RUFY3: variants seen among roughly 807,000 people sequenced by gnomAD.
RUFY3 encodes protein RUFY3.
RUFY3 carries 34 observed loss-of-function variants against 84.0 expected under a neutral mutation model. The ratio of observed to expected loss-of-function variants is 0.40; its 90% CI spans 0.31 to 0.54. The LOEUF (loss-of-function observed/expected upper bound fraction) is 0.54. RUFY3 is among the 20% of genes least tolerant of loss of function. The pLI is 0.39. For missense variants in RUFY3, 507 were observed against 736.8 expected (o/e 0.69, Z 3.61); for synonymous variants, 242 against 252.9 (o/e 0.96, Z 0.41).
In RUFY3 at chr4:70,778,454, G is replaced by C; in HGVS notation, c.894+16G>C. 1 of 1,466,332 alleles carries C rather than the reference G, an allele frequency of 6.8e-7. No homozygotes were observed. Among genetic ancestry groups the C allele is most frequent in the South Asian group, 1.2e-5 (1 of 86,802 alleles). The allele number at this position is 1,466,332 out of a possible 1,614,324, so 90.8% of individuals were successfully genotyped here. ...GACAGAGGAGGTAAGTTTTGGAAAT[G>C]CTTTGATTGACTTATAGAATTTAAT... On this transcript the variant is annotated intron_variant, in intron 8 of 17. Coordinates refer to ENST00000381006, the MANE Select transcript of RUFY3 (RefSeq NM_001037442.4).
chr4:70,804,551 C>A, intron 17 of RUFY3, 135 bp downstream of exon 17: 1 of 561,330 alleles, frequency 1.8e-6, no homozygotes. Flanking sequence ...GGGTGAAAAG[C>A]AAAAGGGGCA....
intron 1 of RUFY3, among the ~76,000 whole-genome samples, chr4:70,753,729 G>GGT (rs1723510964): frequency 1.3e-5 from 2 of 152,268 alleles, no homozygotes; most frequent in Admixed American, 1.3e-4. Flanking sequence ...AACAGAACAT[G>GGT]TCATTTCTCT....
intron 1 of RUFY3, among the ~76,000 whole-genome samples, chr4:70,757,004 C>T (rs1358190000): frequency 6.6e-6 from 1 of 152,088 alleles, no homozygotes; most frequent in Non-Finnish European, 1.5e-5. Context: ...GGCATGGCGA[C>T]CCATGCCTGT....
At chr4:70,735,677 CA>C (rs923502603) in intron 1 of RUFY3, among the ~76,000 whole-genome samples, 1 of 149,656 alleles carries the variant, frequency 6.7e-6, no homozygotes. Context: ...CCTATATCTA[CA>C]AAAAAAAATA....
At chr4:70,746,125 C>T (rs182888641) in intron 1 of RUFY3, among the ~76,000 whole-genome samples, 2 of 152,276 alleles carry the variant, frequency 1.3e-5, no homozygotes, top group East Asian at 3.9e-4. Context: ...GGGCGGATCA[C>T]TTGATGCCAG....
At chr4:70,704,920 CGAAG>C (rs1740080107) in exon 1 of RUFY3, 10 of 1,209,036 alleles carry the variant, frequency 8.3e-6, no homozygotes, top group Non-Finnish European at 1.0e-5. Flanking sequence ...GAGGCTGCGG[CGAAG>C]GAAGGAGTGA....
At chr4:70,732,287 G>A (rs1363929631) in intron 1 of RUFY3, among the ~76,000 whole-genome samples, 1 of 152,144 alleles carries the variant, frequency 6.6e-6, no homozygotes, top group Non-Finnish European at 1.5e-5. Context: ...TATATAGAAA[G>A]TTCTTCAGGG....
At chr4:70,791,111 AATGACTT>A in intron 12 of RUFY3, 2 of 830,684 alleles carry the variant, frequency 2.4e-6, no homozygotes, top group East Asian at 5.4e-5. Context: ...GAAAGAGAAT[AATGACTT>A]ATCTCTTTGA....
At position 70,736,723 on chromosome 4, in the gene RUFY3, G is replaced by T. The variant is rs376791430; in HGVS notation, c.178+13972G>T. On this transcript the variant is annotated intron_variant, in intron 1 of 17. Transcript: ENST00000381006. ...AGTAGCTGGGATTACAGGCGCTTTCGACCATGTCCGGCTAATTTTTGTATT... is the reference window on the plus strand; with the variant it reads ...AGTAGCTGGGATTACAGGCGCTTTCTACCATGTCCGGCTAATTTTTGTATT... Among the ~76,000 whole-genome samples, 6 of 151,974 alleles carry T rather than the reference G, an allele frequency of 3.9e-5. No individual in the cohort carries two copies. In the East Asian group the frequency reaches 1.2e-3, roughly 29 times the overall value.
At chr4:70,741,598 C>A in intron 1 of RUFY3, 1 of 1,510,464 alleles carries the variant, frequency 6.6e-7, no homozygotes, top group Admixed American at 2.2e-5. Flanking sequence ...TTTTATCTTT[C>A]TTTTCCTTTC....
In RUFY3 at chr4:70,763,453, T is replaced by C. The variant is rs201764348; in HGVS notation, c.353-99T>C. The C allele has an allele frequency of 6.8e-4, 540 of 796,372 alleles. 8 individuals are homozygous for C. In the East Asian group the frequency reaches 0.01, roughly 15 times the overall value. 49.3% of individuals were successfully genotyped at this position (796,372 alleles called of 1,614,324 possible). ...TCCAAAACCATCTTATAACCTAGGA[T>C]TGGTTTCCTGAAAAGTTGTGTGTGT... On this transcript the variant is annotated intron_variant, in intron 2 of 17. Transcript: ENST00000381006.
At chr4:70,722,781 C>T (rs28435678) in intron 1 of RUFY3, 30 bp downstream of exon 1, 72,467 of 1,595,456 alleles carry the variant, frequency 0.045, 3,996 homozygotes, top group African/African-American at 0.28. Context: ...GCTAGTATTT[C>T]ACCAGCATCC....
intron 10 of RUFY3, among the ~76,000 whole-genome samples, chr4:70,788,312 C>G (rs961402953): frequency 6.6e-6 from 1 of 151,560 alleles, no homozygotes; most frequent in African/African-American, 2.4e-5. Flanking sequence ...CTGTTCGCCT[C>G]GTAACCATAC....
chr4:70,789,433 A>T (rs779785187), intron 11 of RUFY3, 62 bp from the exon 12 acceptor site: 1 of 1,396,864 alleles, frequency 7.2e-7, no homozygotes, highest in Non-Finnish European at 9.9e-7. Context: ...TTCAAAAGGC[A>T]TGTGTGGTTG....
chr4:70,759,409 ATTTC>A (rs1724642152), intron 1 of RUFY3, among the ~76,000 whole-genome samples: 1 of 149,768 alleles, frequency 6.7e-6, no homozygotes, highest in East Asian at 2.0e-4. Context: ...TGTATACCAC[ATTTC>A]TTTATTCATG....
chr4:70,721,143 C>G (rs1742233638), upstream of RUFY3, among the ~76,000 whole-genome samples: 1 of 151,834 alleles, frequency 6.6e-6, no homozygotes, highest in Admixed American at 6.6e-5. Context: ...GAAACCCCGT[C>G]TCTACTAAAA....
At chr4:70,778,334 T>G in intron 7 of RUFY3, 35 bp from the exon 8 acceptor site, 1 of 1,208,550 alleles carries the variant, frequency 8.3e-7, no homozygotes, top group Non-Finnish European at 1.2e-6. Context: ...TGTCTGTTTT[T>G]CAAAAGTGAC....
chr4:70,774,657 A>G (rs1399013705), intron 6 of RUFY3, among the ~76,000 whole-genome samples: 1 of 133,162 alleles, frequency 7.5e-6, no homozygotes, highest in East Asian at 2.2e-4. Flanking sequence ...ATATATATAT[A>G]TATATATATA....
intron 1 of RUFY3, among the ~76,000 whole-genome samples, chr4:70,733,095 G>GA (rs1332679836): frequency 6.5e-5 from 4 of 61,746 alleles, no homozygotes; most frequent in African/African-American, 3.3e-4. Context: ...GAGAGAGAGA[G>GA]GAGAGAGAGA....
Sources: allele counts gnomAD v4.1 joint callset (sites outside exome capture counted in the v4.1 genomes callset), GRCh38; gene constraint gnomAD v4.1.1; transcripts MANE v1.5; gene names NCBI Gene and HGNC (gene_info 2026-07-23, HGNC 2026-07-21).